TEX26: variants seen among roughly 807,000 people sequenced by gnomAD.
TEX26 encodes testis expressed 26.
Under a neutral mutation model 35.3 loss-of-function variants are expected in TEX26, and 34 were observed. The ratio of observed to expected loss-of-function variants is 0.96; its 90% CI spans 0.73 to 1.28. The LOEUF (loss-of-function observed/expected upper bound fraction) is 1.28. Ranked by LOEUF, TEX26 falls within the 50% of genes most tolerant of loss-of-function variation. The pLI is 0.00. For missense variants in TEX26, 371 were observed against 330.1 expected (o/e 1.12, Z -0.96); for synonymous variants, 136 against 111.8 (o/e 1.22, Z -1.36).
intron 2 of TEX26, among the ~76,000 whole-genome samples, chr13:30,952,001 A>ATTTTTTTTTTTTTTTTTTTTTT (rs751918742): frequency 7.9e-5 from 4 of 50,688 alleles, no homozygotes; most frequent in African/African-American, 3.0e-4. Flanking sequence ...TTATTCTGGG[A>ATTTTTTTTTTTTTTTTTTTTTT]TTTTTTTTTT....
chr13:30,966,129 C>A, intron 4 of TEX26, 93 bp from the exon 5 acceptor site: 4 of 1,321,372 alleles, frequency 3.0e-6, no homozygotes, highest in Non-Finnish European at 4.3e-6. Context: ...TCATACAGGG[C>A]ACATTGACCA....
At chr13:30,967,782 A>G (rs1954590258) in intron 5 of TEX26, among the ~76,000 whole-genome samples, 1 of 152,178 alleles carries the variant, frequency 6.6e-6, no homozygotes, top group African/African-American at 2.4e-5. Context: ...GAATATTAGA[A>G]CTCACATTAA....
chr13:30,939,903 G>T, intron 2 of TEX26, 125 bp downstream of exon 2: 1 of 800,098 alleles, frequency 1.2e-6, no homozygotes. Context: ...TTGGATACGG[G>T]CTACTGTGTG....
At chr13:30,938,307 G>A (rs937289069) in intron 1 of TEX26, among the ~76,000 whole-genome samples, 5 of 152,192 alleles carry the variant, frequency 3.3e-5, no homozygotes, top group African/African-American at 1.2e-4. Context: ...GTATCTACCT[G>A]TCTTAGTCCA....
intron 6 of TEX26, among the ~76,000 whole-genome samples, chr13:30,972,488 T>C (rs181072442): frequency 6.2e-4 from 94 of 152,348 alleles, no homozygotes; most frequent in African/African-American, 2.1e-3. Context: ...ATAAATTCTT[T>C]GGTAATAGAC....
intron 2 of TEX26, among the ~76,000 whole-genome samples, chr13:30,940,172 A>G (rs1953424790): frequency 6.6e-6 from 1 of 152,054 alleles, no homozygotes; most frequent in Non-Finnish European, 1.5e-5. Flanking sequence ...TTGTTATCAT[A>G]GCATCACCAA....
intron 3 of TEX26, 38 bp downstream of exon 3, chr13:30,952,863 G>A (rs773964568): frequency 3.2e-6 from 5 of 1,546,604 alleles, no homozygotes; most frequent in Non-Finnish European, 3.5e-6. Flanking sequence ...ATTTAATACT[G>A]TACTGTATCA....
intron 2 of TEX26, 145 bp from the exon 3 acceptor site, chr13:30,952,515 C>A (rs1009355179): frequency 3.0e-6 from 2 of 656,184 alleles, no homozygotes; most frequent in Non-Finnish European, 4.8e-6. Context: ...TCAAGGAAAA[C>A]CTGAAATTAA....
intron 2 of TEX26, among the ~76,000 whole-genome samples, chr13:30,941,405 A>T (rs1953505471): frequency 6.6e-6 from 1 of 152,216 alleles, no homozygotes; most frequent in Admixed American, 6.5e-5. Flanking sequence ...AAAGCCAAAA[A>T]CAAATAGATA....
chr13:30,939,767 T>C lies in TEX26; in HGVS notation c.135T>C (p.Pro45=). The change falls in exon 2 of 7, where the codon CCT becomes CCC. Residue 45 remains proline (P), a synonymous_variant. Coordinates refer to ENST00000380473, the MANE Select transcript of TEX26 (RefSeq NM_152325.3). ...TCACGCCTAAAACAGGAGCAGTGCC[T>C]GCCTTAATTCGGTAGATCATTATTT... ...TAFTPKTGAV[P]ALIRQNGIRR... The C allele has an allele frequency of 6.2e-7, 1 of 1,613,834 alleles. No homozygotes were observed. Among genetic ancestry groups the C allele is most frequent in the Non-Finnish European group, 8.5e-7 (1 of 1,179,730 alleles).
chr13:30,944,036 ATTC>A (rs1290851660), intron 2 of TEX26, among the ~76,000 whole-genome samples: 2 of 151,948 alleles, frequency 1.3e-5, no homozygotes, highest in African/African-American at 2.4e-5. Context: ...ATTGGCACCA[ATTC>A]TTCTTTGAAC....
At chr13:30,945,392 T>G (rs1167780133) in intron 2 of TEX26, among the ~76,000 whole-genome samples, 1 of 151,708 alleles carries the variant, frequency 6.6e-6, no homozygotes, top group Non-Finnish European at 1.5e-5. Flanking sequence ...GTTTGTGGAT[T>G]TTTTTTTAAT....
At chr13:30,946,142 T>A (rs1455930211) in intron 2 of TEX26, among the ~76,000 whole-genome samples, 1 of 151,924 alleles carries the variant, frequency 6.6e-6, no homozygotes, top group Non-Finnish European at 1.5e-5. Flanking sequence ...GAGACTTTAC[T>A]CATTTCTTTT....
Position 30,940,322 on chromosome 13 carries a change from CTTTTTTTTTTTTTTT to C in TEX26, c.146+559_146+573del, listed in dbSNP as rs869246492. Among the ~76,000 whole-genome samples the C allele has an allele frequency of 5.2e-4, 27 of 52,082 alleles. 1 individual carries two copies. In the East Asian group the frequency reaches 0.013, roughly 25 times the overall value. The allele number at this position is 52,082 out of a possible 152,430, so 34.2% of individuals were successfully genotyped here. A position where few individuals can be genotyped will look rare whatever the true frequency, so the allele number is the denominator to read the frequency against. ...GTGGGAGTTTCTAAACATCAGCTGC[CTTTTTTTTTTTTTTT>C]TTTTTTTTTTTTTTGAGACAGAGTC... is the stretch of plus-strand genomic sequence containing the variant. On this transcript the variant is annotated intron_variant, in intron 2 of 6. Coordinates refer to ENST00000380473, the MANE Select transcript of TEX26 (RefSeq NM_152325.3).
rs559249615 is a variant in TEX26 at position 30,934,675 on chromosome 13, G to A, written c.61+1899G>A. 3.1e-4 allele frequency among the ~76,000 whole-genome samples: 47 copies of A among 152,302 alleles called. 3 individuals are homozygous for A. In the South Asian group the frequency reaches 6.8e-3, roughly 22 times the overall value. On this transcript the variant is annotated intron_variant, in intron 1 of 6. Transcript: ENST00000380473. ...CTGGCTGCAGCAGGGAAGCACAGCT[G>A]GGGCTGCAACACTCCATGGAGCCCG... is the stretch of plus-strand genomic sequence containing the variant.
chr13:30,948,982 A>G (rs1332712323), intron 2 of TEX26, among the ~76,000 whole-genome samples: 3 of 152,166 alleles, frequency 2.0e-5, no homozygotes, highest in African/African-American at 7.2e-5. Flanking sequence ...TCCCAGCACC[A>G]TTTATTAAAT....
At chr13:30,967,757 T>C (rs983677702) in intron 5 of TEX26, among the ~76,000 whole-genome samples, 4 of 152,226 alleles carry the variant, frequency 2.6e-5, no homozygotes, top group Non-Finnish European at 4.4e-5. Context: ...ATTATTTTTT[T>C]CATGATAGTT....
intron 1 of TEX26, among the ~76,000 whole-genome samples, chr13:30,937,364 T>C (rs1318660904): frequency 2.0e-5 from 3 of 152,202 alleles, no homozygotes; most frequent in African/African-American, 7.2e-5. Context: ...TTGAGGCATA[T>C]CTGAGCCTAA....
intron 6 of TEX26, among the ~76,000 whole-genome samples, chr13:30,971,600 G>C (rs144601929): frequency 0.012 from 1,832 of 152,292 alleles, 18 homozygotes; most frequent in Non-Finnish European, 0.018. Context: ...AAAGCATAAA[G>C]GAGAGAGAGC....
Sources: gnomAD v4.1 joint callset for allele counts (sites outside exome capture counted in the v4.1 genomes callset) on GRCh38, gnomAD v4.1.1 for gene constraint, MANE v1.5 for transcripts, NCBI Gene and HGNC (gene_info 2026-07-23, HGNC 2026-07-21) for gene names.